LARP4B: variants seen among roughly 807,000 people sequenced by gnomAD.
LARP4B encodes la-related protein 4B.
In LARP4B, 12 loss-of-function variants were observed where a neutral mutation model predicts 89.8. The observed-to-expected ratio is 0.13, with a 90% CI of 0.09 to 0.22. The LOEUF is 0.22. LARP4B is among the 10% of genes least tolerant of loss of function. The probability of loss-of-function intolerance (pLI) is 1.00; values close to 1 mark genes in which losing one functional copy is unlikely to be tolerated. For missense variants in LARP4B, 757 were observed against 947.7 expected (o/e 0.80, Z 2.64); for synonymous variants, 367 against 363.3 (o/e 1.01, Z -0.12).
the LARP4B span, among the ~76,000 whole-genome samples, chr10:940,493 T>C: frequency 2.0e-5 from 3 of 152,368 alleles, no homozygotes; most frequent in South Asian, 4.1e-4. Flanking sequence ...TTTGCCATGT[T>C]AGCCAGGCTC....
At chr10:843,475 G>T (rs1833628455) in intron 6 of LARP4B, among the ~76,000 whole-genome samples, 1 of 152,318 alleles carries the variant, frequency 6.6e-6, no homozygotes, top group African/African-American at 2.4e-5. Flanking sequence ...AAGGTAGGCA[G>T]ATCATCTGGG....
Position 905,769 on chromosome 10 carries a change from A to T in LARP4B, c.-39-20009T>A, listed in dbSNP as rs545101112. Reference sequence around the variant, plus strand: ...GGACGTCCTCCTGGCCTCCTGCTGAAGAGGCAGCTCTCAACTGTTTCTATC... The same window carrying T: ...GGACGTCCTCCTGGCCTCCTGCTGATGAGGCAGCTCTCAACTGTTTCTATC... On this transcript the variant is annotated intron_variant, in intron 1 of 17. Transcript: ENST00000316157. Among the ~76,000 whole-genome samples, 10 of 152,276 alleles carry T rather than the reference A, an allele frequency of 6.6e-5. No individual in the cohort carries two copies. The East Asian group carries it at 1.9e-3, about 29-fold the overall frequency.
upstream of LARP4B, among the ~76,000 whole-genome samples, chr10:931,930 C>A (rs1394136850): frequency 4.0e-5 from 6 of 149,706 alleles, no homozygotes. Context: ...GCGATTGGCG[C>A]GTGCGCGCAC....
the LARP4B span, among the ~76,000 whole-genome samples, chr10:973,897 C>T: frequency 1.3e-5 from 2 of 152,158 alleles, no homozygotes; most frequent in Non-Finnish European, 2.9e-5. Context: ...TGTTTTCATG[C>T]TGAGGTGTGA....
intron 3 of LARP4B, among the ~76,000 whole-genome samples, chr10:867,977 C>T (rs925212832): frequency 6.6e-6 from 1 of 151,612 alleles, no homozygotes; most frequent in Non-Finnish European, 1.5e-5. Context: ...GCAAGCTGAC[C>T]TTAACAGCCA....
At chr10:951,041 T>C in the LARP4B span, among the ~76,000 whole-genome samples, 1 of 152,044 alleles carries the variant, frequency 6.6e-6, no homozygotes, top group African/African-American at 2.4e-5. Context: ...TCTCTCTCTT[T>C]CTTCTTTTCC....
At chr10:857,562 C>T (rs1344229584) in intron 5 of LARP4B, among the ~76,000 whole-genome samples, 3 of 152,108 alleles carry the variant, frequency 2.0e-5, no homozygotes, top group Admixed American at 6.5e-5. Flanking sequence ...GGGGGAGGTA[C>T]GATTTTCGGA....
At chr10:981,144 G>C in the LARP4B span, among the ~76,000 whole-genome samples, 1 of 152,224 alleles carries the variant, frequency 6.6e-6, no homozygotes, top group Admixed American at 6.5e-5. Context: ...GGCATAACAA[G>C]GGTGACTTTT....
At chr10:878,723 G>T (rs551307877) in intron 3 of LARP4B, among the ~76,000 whole-genome samples, 1 of 152,298 alleles carries the variant, frequency 6.6e-6, no homozygotes, top group Admixed American at 6.5e-5. Context: ...CGACACATCT[G>T]TCGCTTCCTC....
At chr10:877,978 G>A (rs1360769822) in intron 3 of LARP4B, among the ~76,000 whole-genome samples, 1 of 152,180 alleles carries the variant, frequency 6.6e-6, no homozygotes, top group Non-Finnish European at 1.5e-5. Flanking sequence ...GGATAGATGG[G>A]GCTCGCTGAG....
chr10:961,656 G>A, the LARP4B span, among the ~76,000 whole-genome samples: 1 of 152,188 alleles, frequency 6.6e-6, no homozygotes, highest in Non-Finnish European at 1.5e-5. Context: ...GTCCACTCAT[G>A]GCAGAAGGTG....
intron 1 of LARP4B, among the ~76,000 whole-genome samples, chr10:906,486 G>A (rs1298999324): frequency 2.0e-5 from 3 of 152,368 alleles, no homozygotes; most frequent in Middle Eastern, 3.4e-3. Context: ...CCCAGCGCCA[G>A]TGTGGTGCAA....
At chr10:869,742 G>A (rs1404882071) in intron 3 of LARP4B, among the ~76,000 whole-genome samples, 1 of 151,670 alleles carries the variant, frequency 6.6e-6, no homozygotes, top group Non-Finnish European at 1.5e-5. Context: ...AAATTAGCCA[G>A]GTGTAGTGGC....
intron 1 of LARP4B, among the ~76,000 whole-genome samples, chr10:902,665 GAT>G (rs1445777721): frequency 4.8e-5 from 7 of 146,336 alleles, no homozygotes; most frequent in Non-Finnish European, 8.9e-5. Flanking sequence ...TTAATTTTGA[GAT>G]AGAGTCTCAC....
the LARP4B span, among the ~76,000 whole-genome samples, chr10:957,068 C>A: frequency 6.6e-6 from 1 of 152,168 alleles, no homozygotes; most frequent in African/African-American, 2.4e-5. Context: ...AACCAGCAGC[C>A]CTGCTCACTG....
At chr10:982,879 T>A in the LARP4B span, among the ~76,000 whole-genome samples, 1 of 152,212 alleles carries the variant, frequency 6.6e-6, no homozygotes, top group Non-Finnish European at 1.5e-5. Flanking sequence ...TGGGTAGGGA[T>A]CATTCACAAG....
Position 829,424 on chromosome 10 carries a change from C to G in LARP4B, c.1086G>C (p.Gln362His), listed in dbSNP as rs200070357. ...QFPLYSLITP[Q>H]TWSATHSYLD... Reference sequence around the variant, plus strand: ...GATAGCTGTGCGTTGCTGACCACGTCTGGGGAGTGATCAGGCTGTACAGGG... The same window carrying G: ...GATAGCTGTGCGTTGCTGACCACGTGTGGGGAGTGATCAGGCTGTACAGGG... Residue 362 changes from glutamine (Q) to histidine (H), a missense_variant, in exon 11 of 18, where the codon CAG becomes CAC. Physicochemically the swap from Gln to His is conservative, Grantham distance 24. This residue lies in a region of LARP4B where 137 missense variants were observed against 213.9 expected (regional missense o/e 0.64). Transcript: ENST00000316157. The G allele has an allele frequency of 6.2e-7, 1 of 1,613,426 alleles. No individual in the cohort carries two copies. The highest frequency in any genetic ancestry group is 2.2e-5 in the East Asian group (1 of 44,862).
intron 14 of LARP4B, chr10:819,275 G>A (rs1054293060): frequency 4.6e-5 from 7 of 152,160 alleles, no homozygotes; most frequent in African/African-American, 1.2e-4. Flanking sequence ...ATCTCAACTT[G>A]TAGAAGCAAA....
the LARP4B span, among the ~76,000 whole-genome samples, chr10:981,867 T>C: frequency 6.6e-6 from 1 of 152,026 alleles, no homozygotes; most frequent in Non-Finnish European, 1.5e-5. Flanking sequence ...CACCCAGCCA[T>C]GTACTGTTTT....
Sources: allele counts gnomAD v4.1 joint callset (sites outside exome capture counted in the v4.1 genomes callset), GRCh38; gene constraint gnomAD v4.1.1; regional missense constraint gnomAD v4.1.1; transcripts MANE v1.5; gene names NCBI Gene and HGNC (gene_info 2026-07-23, HGNC 2026-07-21).